Variants in MYOCOS observed in about 807,000 individuals in gnomAD.
MYOCOS encodes the protein myocilin opposite strand.
At chr1:171,621,477 G>A (rs920401428), upstream of MYOCOS, among the ~76,000 whole-genome samples, 5 of 146,680 alleles carry the variant, frequency 3.4e-5, no homozygotes, top group Admixed American at 2.1e-4. Context: ...CCGGGTTCAC[G>A]CCATTCTCCT....
At chr1:171,613,476 T>A (rs1232240887) in intron 1 of MYOCOS, among the ~76,000 whole-genome samples, 2 of 152,160 alleles carry the variant, frequency 1.3e-5, no homozygotes, top group Non-Finnish European at 2.9e-5. Context: ...ATTAAAGACT[T>A]CATTTCAGTC....
chr1:171,624,906 G>A lies in MYOCOS; in HGVS notation c.95+928G>A, dbSNP rs1305010017. ...GCCCAAGATGACACCTCTAGCTTGA[G>A]CTCTTTGTCGGGTATGTTATGAGAT... On this transcript the variant is annotated intron_variant, in intron 2 of 2. Coordinates refer to ENST00000637642, the MANE Select transcript of MYOCOS (RefSeq NM_001391940.1). Among the ~76,000 whole-genome samples the A allele has an allele frequency of 2.0e-5, 3 of 152,010 alleles. No homozygotes were observed. The East Asian group carries it at 5.8e-4, about 29-fold the overall frequency.
intron 1 of MYOCOS, among the ~76,000 whole-genome samples, chr1:171,613,608 C>T (rs143635451): frequency 6.3e-4 from 96 of 152,042 alleles, no homozygotes; most frequent in Non-Finnish European, 1.1e-3. Flanking sequence ...AGTGCAGTGG[C>T]GTGATCATAG....
intron 1 of MYOCOS, among the ~76,000 whole-genome samples, chr1:171,608,054 T>C (rs1279131004): frequency 6.6e-6 from 1 of 152,216 alleles, no homozygotes. Context: ...ACTTATTCGC[T>C]ACCACGACAG....
chr1:171,614,887 A>T (rs543368092), exon 2 of MYOCOS: 3 of 152,380 alleles, frequency 2.0e-5, no homozygotes, highest in Non-Finnish European at 4.4e-5. Flanking sequence ...GATATTTGGG[A>T]AAAGCATATT....
chr1:171,619,474 T>G (rs1652514588), upstream of MYOCOS, among the ~76,000 whole-genome samples: 1 of 152,180 alleles, frequency 6.6e-6, no homozygotes, highest in South Asian at 2.1e-4. Context: ...TCCCTGAGGG[T>G]TCCTGGCTAA....
At chr1:171,624,722 C>A (rs528118261) in intron 2 of MYOCOS, among the ~76,000 whole-genome samples, 5 of 152,190 alleles carry the variant, frequency 3.3e-5, no homozygotes, top group East Asian at 1.9e-4. Flanking sequence ...GCTGGGATTA[C>A]AGGCGTGAGC....
upstream of MYOCOS, among the ~76,000 whole-genome samples, chr1:171,617,887 G>A (rs952605254): frequency 6.6e-6 from 1 of 152,162 alleles, no homozygotes; most frequent in South Asian, 2.1e-4. Context: ...GGAGTGGAAG[G>A]GTTGGCCCCT....
At chr1:171,606,953 G>A (rs577827854) in intron 1 of MYOCOS, among the ~76,000 whole-genome samples, 2 of 152,156 alleles carry the variant, frequency 1.3e-5, no homozygotes, top group African/African-American at 4.8e-5. Flanking sequence ...AATAAGCTGG[G>A]TGTGGTGGCA....
intron 1 of MYOCOS, among the ~76,000 whole-genome samples, chr1:171,611,432 C>A (rs901894644): frequency 6.6e-6 from 1 of 152,108 alleles, no homozygotes; most frequent in Non-Finnish European, 1.5e-5. Context: ...TAGAACTACT[C>A]GAAATGGGCT....
At chr1:171,617,580 T>C (rs1652473350), upstream of MYOCOS, among the ~76,000 whole-genome samples, 1 of 152,166 alleles carries the variant, frequency 6.6e-6, no homozygotes, top group Non-Finnish European at 1.5e-5. Flanking sequence ...ACAACCTTGA[T>C]AGCCAGTTTG....
At chr1:171,609,930 A>G (rs566284043) in intron 1 of MYOCOS, among the ~76,000 whole-genome samples, 3 of 152,314 alleles carry the variant, frequency 2.0e-5, no homozygotes, top group South Asian at 2.1e-4. Context: ...GTCGCATTGT[A>G]AGGCTCAAAT....
At chr1:171,606,685 A>G (rs1020632643) in intron 1 of MYOCOS, among the ~76,000 whole-genome samples, 7 of 152,218 alleles carry the variant, frequency 4.6e-5, no homozygotes, top group Non-Finnish European at 1.0e-4. Flanking sequence ...CAGAGTTGTA[A>G]GCCCTTAAAA....
At chr1:171,613,430 G>C (rs1038905455) in intron 1 of MYOCOS, among the ~76,000 whole-genome samples, 10 of 152,332 alleles carry the variant, frequency 6.6e-5, no homozygotes, top group Admixed American at 2.6e-4. Context: ...GGGTTCAGGA[G>C]GATCTGGGTT....
intron 1 of MYOCOS, among the ~76,000 whole-genome samples, chr1:171,606,318 A>C (rs1020140327): frequency 2.0e-5 from 3 of 152,252 alleles, no homozygotes; most frequent in Non-Finnish European, 2.9e-5. Flanking sequence ...GAGAACTCCC[A>C]CTAATAAAAA....
chr1:171,621,112 C>T (rs1365866600), upstream of MYOCOS, among the ~76,000 whole-genome samples: 1 of 152,032 alleles, frequency 6.6e-6, no homozygotes, highest in African/African-American at 2.4e-5. Flanking sequence ...TCTCATGCCT[C>T]TCTAAAATGT....
intron 1 of MYOCOS, among the ~76,000 whole-genome samples, chr1:171,602,476 CAT>C (rs1652162026): frequency 6.6e-6 from 1 of 152,046 alleles, no homozygotes; most frequent in African/African-American, 2.4e-5. Flanking sequence ...TGTGTGTAAA[CAT>C]ATTAGCTAAA....
intron 1 of MYOCOS, among the ~76,000 whole-genome samples, chr1:171,612,809 G>A (rs1441879157): frequency 7.2e-5 from 11 of 152,082 alleles, no homozygotes; most frequent in East Asian, 1.9e-4. Context: ...CAACCTGGGC[G>A]ACAAGAGTGA....
intron 2 of MYOCOS, among the ~76,000 whole-genome samples, chr1:171,625,448 G>A (rs7524991): frequency 0.32 from 47,962 of 152,070 alleles, 8,379 homozygotes; most frequent in African/African-American, 0.47. Flanking sequence ...AGCTTGCTCA[G>A]CTGAAAGATT....
Sources: gnomAD v4.1 joint callset for allele counts (sites outside exome capture counted in the v4.1 genomes callset) on GRCh38, gnomAD v4.1.1 for gene constraint, MANE v1.5 for transcripts, NCBI Gene and HGNC (gene_info 2026-07-23, HGNC 2026-07-21) for gene names.